The following ARHGAP11A variants were observed in gnomAD, a reference collection of about 807,000 sequenced individuals.
The protein encoded by ARHGAP11A is rho GTPase-activating protein 11A.
Under a neutral mutation model 60.5 loss-of-function variants are expected in ARHGAP11A, and 36 were observed. That is an observed-to-expected ratio of 0.59 (90% CI 0.46 to 0.79). ARHGAP11A has a LOEUF of 0.79. Among genes scored for constraint, ARHGAP11A ranks in the 30% least tolerant of loss-of-function variants. The probability of loss-of-function intolerance (pLI) is 0.00; values close to 1 mark genes in which losing one functional copy is unlikely to be tolerated. For missense variants in ARHGAP11A, 1,071 were observed against 1,199.2 expected (o/e 0.89, Z 1.58); for synonymous variants, 362 against 415.5 (o/e 0.87, Z 1.57).
chr15:32,636,498 T>G lies in ARHGAP11A; in HGVS notation c.1725T>G (p.His575Gln). 2 of 1,614,036 alleles carry G rather than the reference T, an allele frequency of 1.2e-6. No individual in the cohort carries two copies. Among genetic ancestry groups the G allele is most frequent in the East Asian group, 2.2e-5 (1 of 44,868 alleles). ...CCCCTTCCAATTTAAACAATAAGCA[T>G]AATAGCAACATAACAAGTAGCCCTC... ...ELTPSNLNNK[H>Q]NSNITSSPLS... Residue 575 changes from histidine (H) to glutamine (Q), a missense_variant, in exon 12 of 12, where the codon CAT (histidine) becomes CAG (glutamine). Coordinates refer to ENST00000361627, the MANE Select transcript of ARHGAP11A (RefSeq NM_014783.6).
At chr15:32,631,489 G>A (rs1046797556) in intron 8 of ARHGAP11A, among the ~76,000 whole-genome samples, 4 of 152,094 alleles carry the variant, frequency 2.6e-5, no homozygotes, top group East Asian at 1.9e-4. Flanking sequence ...TAGTAGAGAC[G>A]GGGTTTCACC....
chr15:32,634,061 A>G lies in ARHGAP11A; in HGVS notation c.1344+20A>G. ...GAAGTAGTAAGTTTCTTACCATTTT[A>G]TTGATCTTTATATTAGCATAACGCT... On this transcript the variant is annotated intron_variant, in intron 10 of 11. Coordinates refer to ENST00000361627, the MANE Select transcript of ARHGAP11A (RefSeq NM_014783.6). 1.3e-6 allele frequency: 2 copies of G among 1,508,710 alleles called. No homozygotes were observed. Among genetic ancestry groups the G allele is most frequent in the East Asian group, 2.3e-5 (1 of 43,516 alleles). The allele number at this position is 1,508,710 out of a possible 1,614,324, so 93.5% of individuals were successfully genotyped here.
At chr15:32,628,574 T>A (rs956723004) in intron 6 of ARHGAP11A, among the ~76,000 whole-genome samples, 154 bp from the exon 7 acceptor site, 10 of 152,328 alleles carry the variant, frequency 6.6e-5, no homozygotes, top group Admixed American at 2.6e-4. Context: ...TCCTTTAGTA[T>A]TTTTCCTATT....
chr15:32,631,794 G>A (rs1328218880), intron 8 of ARHGAP11A, among the ~76,000 whole-genome samples: 1 of 151,942 alleles, frequency 6.6e-6, no homozygotes, highest in Non-Finnish European at 1.5e-5. Context: ...TTGTGCCTCA[G>A]CCTCCTGAGT....
chr15:32,636,747 T>C lies in ARHGAP11A; in HGVS notation c.1974T>C (p.Tyr658=). The C allele has an allele frequency of 6.2e-7, 1 of 1,613,696 alleles. No homozygotes were observed. The highest frequency in any genetic ancestry group is 1.1e-5 in the South Asian group (1 of 90,918). Residue 658 remains tyrosine, a synonymous_variant, in exon 12 of 12, where the codon TAT becomes TAC. Coordinates refer to ENST00000361627, the MANE Select transcript of ARHGAP11A (RefSeq NM_014783.6). ...DLTIVESKEK[Y]EHHTGKGEKC... Reference sequence around the variant, plus strand: ...CTATAGTAGAATCAAAGGAGAAATATGAACACCACACTGGTAAAGGTGAAA... The same window carrying C: ...CTATAGTAGAATCAAAGGAGAAATACGAACACCACACTGGTAAAGGTGAAA...
At chr15:32,621,526 G>A (rs1255595150) in intron 2 of ARHGAP11A, among the ~76,000 whole-genome samples, 1 of 152,018 alleles carries the variant, frequency 6.6e-6, no homozygotes, top group African/African-American at 2.4e-5. Context: ...GAAAGTTTAT[G>A]TTTTAAGAAT....
intron 10 of ARHGAP11A, among the ~76,000 whole-genome samples, chr15:32,634,250 A>T (rs1317353524): frequency 6.6e-6 from 1 of 152,050 alleles, no homozygotes; most frequent in Non-Finnish European, 1.5e-5. Context: ...CTCTCCACTC[A>T]CTCAAGGTGA....
intron 1 of ARHGAP11A, among the ~76,000 whole-genome samples, chr15:32,619,090 ACTGTGTTGCG>A (rs2053236690): frequency 6.6e-6 from 1 of 152,230 alleles, no homozygotes; most frequent in South Asian, 2.1e-4. Flanking sequence ...AAATTTTGTT[ACTGTGTTGCG>A]TCATTGACAA....
At position 32,623,534 on chromosome 15, in the gene ARHGAP11A, T is replaced by C. The variant is rs1466520673; in HGVS notation, c.243T>C (p.His81=). 6.2e-7 allele frequency: 1 copy of C among 1,614,176 alleles called. No homozygotes were observed. Among genetic ancestry groups the C allele is most frequent in the Admixed American group, 1.7e-5 (1 of 60,016 alleles). The change falls in exon 3 of 12, where the codon CAT becomes CAC. Residue 81 remains histidine (H), a synonymous_variant. Coordinates refer to ENST00000361627, the MANE Select transcript of ARHGAP11A (RefSeq NM_014783.6). The stretch of plus-strand genomic sequence containing the variant: ...GCACATCTTTAGAAGACCATATTCA[T>C]ACCGAAGGGCTTTTTCGGAAATCAG... The part of the protein sequence containing the change: ...DACTSLEDHI[H]TEGLFRKSGS...
chr15:32,621,183 C>CTTTTTT (rs60915388), intron 2 of ARHGAP11A, among the ~76,000 whole-genome samples: 51 of 64,254 alleles, frequency 7.9e-4, no homozygotes, highest in East Asian at 1.0e-3. Context: ...ACCTTTTATT[C>CTTTTTT]TTTTTTTTTT....
At chr15:32,632,775 G>A (rs953698861) in intron 8 of ARHGAP11A, 10 of 430,088 alleles carry the variant, frequency 2.3e-5, no homozygotes, top group African/African-American at 1.6e-4. Context: ...ACCTTTAATT[G>A]GCAAGTCAAA....
rs111425460 is a variant in ARHGAP11A at position 32,636,903 on chromosome 15, T to G, written c.2130T>G (p.Asp710Glu). The stretch of plus-strand genomic sequence containing the variant: ...ACATTCATTCAAATATGCCAAAAGA[T>G]TATTTAAGCAAGCAAGAATTCTCCA... ...EKDIHSNMPK[D>E]YLSKQEFSSD... Residue 710 changes from aspartate to glutamate, a missense_variant, in exon 12 of 12, where the codon GAT (aspartate) becomes GAG (glutamate). By Grantham distance (45) the Asp-to-Glu change is conservative. Coordinates refer to ENST00000361627, the MANE Select transcript of ARHGAP11A (RefSeq NM_014783.6). 196 of 1,613,268 alleles carry G rather than the reference T, an allele frequency of 1.2e-4. 3 individuals carry two copies. The African/African-American group carries it at 2.2e-3, about 18-fold the overall frequency.
intron 2 of ARHGAP11A, 71 bp downstream of exon 2, chr15:32,620,249 C>A (rs1418089894): frequency 6.2e-7 from 1 of 1,608,924 alleles, no homozygotes; most frequent in Non-Finnish European, 8.5e-7. Flanking sequence ...TTTTGAGAGG[C>A]CGAGGTGGGC....
chr15:32,636,836 T>C lies in ARHGAP11A; in HGVS notation c.2063T>C (p.Ile688Thr), dbSNP rs2053727810. ...QTQTFNRETT[I>T]KCYSTQMKME... ...CAAACATTTAATAGAGAAACAACTA[T>C]AAAATGTTATTCAACTCAGATGAAG... Residue 688 changes from isoleucine (I) to threonine (T), a missense_variant, in exon 12 of 12, where the codon ATA becomes ACA. By Grantham distance (89) the Ile-to-Thr change is moderately conservative. Coordinates refer to ENST00000361627, the MANE Select transcript of ARHGAP11A (RefSeq NM_014783.6). The C allele has an allele frequency of 6.2e-7, 1 of 1,607,634 alleles. No homozygotes were observed.
At chr15:32,635,334 C>T (rs1277395118) in intron 10 of ARHGAP11A, among the ~76,000 whole-genome samples, 1 of 152,168 alleles carries the variant, frequency 6.6e-6, no homozygotes, top group Middle Eastern at 3.2e-3. Flanking sequence ...CCTTTTTACT[C>T]TGTTTTACTT....
Position 32,636,958 on chromosome 15 carries a change from C to G in ARHGAP11A, c.2185C>G (p.Pro729Ala). The change falls in exon 12 of 12, where the codon CCA becomes GCA. Residue 729 changes from proline to alanine, a missense_variant. Pro to Ala is a conservative substitution (Grantham distance 27). Transcript: ENST00000361627. ...SDEEIKKQQS[P>A]KDKLNNKLKE... The stretch of plus-strand genomic sequence containing the variant: ...TGAAGAAATAAAGAAACAGCAGTCC[C>G]CAAAGGATAAACTAAATAATAAATT... 1 of 1,610,470 alleles carries G rather than the reference C, an allele frequency of 6.2e-7. No homozygotes were observed.
intron 8 of ARHGAP11A, among the ~76,000 whole-genome samples, chr15:32,631,926 C>T (rs2140468590): frequency 6.6e-6 from 1 of 152,312 alleles, no homozygotes; most frequent in South Asian, 2.1e-4. Flanking sequence ...CCGCCCACCT[C>T]AGCCTCCCAA....
In ARHGAP11A at chr15:32,639,929, G is replaced by T. The variant is rs1373111818; in HGVS notation, c.*2084G>T. 8 of 151,974 alleles carry T rather than the reference G, an allele frequency of 5.3e-5. No individual in the cohort carries two copies. Among genetic ancestry groups the T allele is most frequent in the Non-Finnish European group, 1.2e-4 (8 of 68,002 alleles). 9.4% of individuals were successfully genotyped at this position (151,974 alleles called of 1,614,324 possible). ...TCACTGTCTTATAAATGTAAATAAA[G>T]ATCTAATATTAATTTGGTTATCTAA... On this transcript the variant is annotated 3_prime_UTR_variant, in exon 12 of 12. Coordinates refer to ENST00000361627, the MANE Select transcript of ARHGAP11A (RefSeq NM_014783.6).
At chr15:32,628,248 A>C (rs1345927977) in intron 6 of ARHGAP11A, among the ~76,000 whole-genome samples, 1 of 152,060 alleles carries the variant, frequency 6.6e-6, no homozygotes, top group Admixed American at 6.5e-5. Context: ...CCTGTCTACT[A>C]TTTCCTGTCT....
Sources: gnomAD v4.1 joint callset for allele counts (sites outside exome capture counted in the v4.1 genomes callset) on GRCh38, gnomAD v4.1.1 for gene constraint, MANE v1.5 for transcripts, NCBI Gene and HGNC (gene_info 2026-07-23, HGNC 2026-07-21) for gene names.